Variants in PDPN observed in about 807,000 individuals in gnomAD.
PDPN encodes the protein podoplanin.
Under a neutral mutation model 23.2 loss-of-function variants are expected in PDPN, and 12 were observed. The ratio of observed to expected loss-of-function variants is 0.52; its 90% CI spans 0.33 to 0.84. PDPN has a LOEUF of 0.84. Among genes scored for constraint, PDPN ranks in the 40% least tolerant of loss-of-function variants. The pLI, the probability that PDPN is intolerant of heterozygous loss-of-function variation, is 0.02. For synonymous variants in PDPN, 77 were observed against 76.7 expected (o/e 1.00, Z -0.02); for missense variants, 199 against 212.2 (o/e 0.94, Z 0.39).
At chr1:13,603,070 G>GGA (rs931922850) in intron 1 of PDPN, among the ~76,000 whole-genome samples, 2 of 150,444 alleles carry the variant, frequency 1.3e-5, no homozygotes, top group Non-Finnish European at 1.5e-5. Flanking sequence ...TAAATACAAA[G>GGA]GAGAGAGAGA....
intron 1 of PDPN, among the ~76,000 whole-genome samples, chr1:13,589,820 T>C (rs1346743001): frequency 6.7e-6 from 1 of 149,908 alleles, no homozygotes; most frequent in Non-Finnish European, 1.5e-5. Context: ...ACCACTTGTA[T>C]TGATTGATTG....
intron 1 of PDPN, among the ~76,000 whole-genome samples, chr1:13,595,057 C>G (rs1442827043): frequency 6.6e-6 from 1 of 151,492 alleles, no homozygotes; most frequent in Non-Finnish European, 1.5e-5. Flanking sequence ...CCACAGTTTG[C>G]ACATTCTCCC....
chr1:13,593,635 G>A (rs966948061), intron 1 of PDPN, among the ~76,000 whole-genome samples: 1 of 152,174 alleles, frequency 6.6e-6, no homozygotes, highest in South Asian at 2.1e-4. Flanking sequence ...TCTGAGCTGC[G>A]TGGGGTGGAC....
intron 1 of PDPN, among the ~76,000 whole-genome samples, chr1:13,606,913 G>C (rs1640802868): frequency 6.6e-6 from 1 of 152,136 alleles, no homozygotes. Context: ...TGGGGCCCCA[G>C]GGAGGGGCTG....
intron 1 of PDPN, among the ~76,000 whole-genome samples, chr1:13,596,271 A>AAT (rs1364591126): frequency 6.6e-6 from 1 of 152,190 alleles, no homozygotes; most frequent in Non-Finnish European, 1.5e-5. Context: ...GCATCTGCTA[A>AAT]ATACCTACCA....
intron 4 of PDPN, 145 bp downstream of exon 4, chr1:13,613,870 C>CTTTTTTT (rs34784418): frequency 9.4e-6 from 2 of 211,826 alleles, no homozygotes; most frequent in African/African-American, 3.1e-5. Flanking sequence ...AGATTTCAAG[C>CTTTTTTT]TTTTTTTTTT....
intron 5 of PDPN, among the ~76,000 whole-genome samples, chr1:13,615,192 G>C (rs12083134): frequency 6.6e-6 from 1 of 152,130 alleles, no homozygotes; most frequent in African/African-American, 2.4e-5. Context: ...TTTGACTGTT[G>C]TTGAAGGGAA....
Position 13,599,011 on chromosome 1 carries a change from C to CTTTTTTTTTTTTTTTTTTTTT in PDPN, c.68-8145_68-8144insTTTTTTTTTTTTTTTTTTTTT. Reference sequence around the variant, plus strand: ...ACAGTCCAAGAAAGTGCCCCCCCTCCTTTTTTTTTTTTTTTTTGGAGATGG... The same window carrying CTTTTTTTTTTTTTTTTTTTTT: ...ACAGTCCAAGAAAGTGCCCCCCCTCCTTTTTTTTTTTTTTTTTTTTTTTTTTTTTTTTTTTTTTGGAGATGG... On this transcript the variant is annotated intron_variant, in intron 1 of 5. Coordinates refer to ENST00000621990, the MANE Select transcript of PDPN (RefSeq NM_006474.5). Among the ~76,000 whole-genome samples the CTTTTTTTTTTTTTTTTTTTTT allele has an allele frequency of 2.0e-3, 249 of 126,988 alleles. 8 individuals are homozygous for CTTTTTTTTTTTTTTTTTTTTT. Among genetic ancestry groups the CTTTTTTTTTTTTTTTTTTTTT allele is most frequent in the Middle Eastern group, 4.5e-3 (1 of 220 alleles). 83.3% of individuals were successfully genotyped at this position (126,988 alleles called of 152,430 possible).
chr1:13,589,627 A>G (rs140143303), intron 1 of PDPN, among the ~76,000 whole-genome samples: 3 of 152,254 alleles, frequency 2.0e-5, no homozygotes, highest in Non-Finnish European at 4.4e-5. Flanking sequence ...CCACACACAG[A>G]CACGGAGCTT....
chr1:13,596,533 G>A (rs751696345), intron 1 of PDPN, among the ~76,000 whole-genome samples: 3 of 152,212 alleles, frequency 2.0e-5, no homozygotes, highest in Non-Finnish European at 4.4e-5. Flanking sequence ...TGTCGATCAC[G>A]ACCAGTGGCT....
In PDPN at chr1:13,614,302, GGT is replaced by G; in HGVS notation, c.374_375del (p.Gly125ValfsTer41). 2 of 1,548,322 alleles carry G rather than the reference GGT, an allele frequency of 1.3e-6. No individual in the cohort carries two copies. ...GDTQTTVEKD[G>X]LSTVTLVGII... ...CTTTTTTTCTCTCTCTTGTTCAGAT[GGT>G]TTGTCAACAGTGACCCTGGTTGGAA... On this transcript the variant is annotated frameshift_variant, in exon 5 of 6. Coordinates refer to ENST00000621990, the MANE Select transcript of PDPN (RefSeq NM_006474.5). LOFTEE classifies it high-confidence loss of function.
intron 1 of PDPN, among the ~76,000 whole-genome samples, chr1:13,602,687 C>T (rs576860660): frequency 1.0e-3 from 154 of 152,174 alleles, no homozygotes; most frequent in African/African-American, 3.5e-3. Context: ...CTCAGCCTCC[C>T]CAGTAGCTGG....
At chr1:13,615,793 G>C (rs989129641) in intron 5 of PDPN, 112 bp from the exon 6 acceptor site, 2 of 955,478 alleles carry the variant, frequency 2.1e-6, no homozygotes, top group Non-Finnish European at 3.4e-6. Flanking sequence ...TGATCACCAG[G>C]TGTCAGAACT....
In PDPN at chr1:13,616,801, G is replaced by C. The variant is rs537201349; in HGVS notation, c.*890G>C. ...CAGCCTGGATGCCGAGGAAGCTGCTGGATGCTTAATGGTGCTAGAGGCTCA... is the reference window on the plus strand; with the variant it reads ...CAGCCTGGATGCCGAGGAAGCTGCTCGATGCTTAATGGTGCTAGAGGCTCA... On this transcript the variant is annotated 3_prime_UTR_variant, in exon 6 of 6. Coordinates refer to ENST00000621990, the MANE Select transcript of PDPN (RefSeq NM_006474.5). The C allele has an allele frequency of 6.6e-6, 1 of 152,382 alleles. No homozygotes were observed. The highest frequency in any genetic ancestry group is 1.9e-4 in the East Asian group (1 of 5,190). 9.4% of individuals were successfully genotyped at this position (152,382 alleles called of 1,614,324 possible). A position where few individuals can be genotyped will look rare whatever the true frequency, so the allele number is the denominator to read the frequency against.
chr1:13,583,778 C>A, upstream of PDPN: 1 of 1,512,376 alleles, frequency 6.6e-7, no homozygotes, highest in South Asian at 1.3e-5. Context: ...CGGCCGACCC[C>A]GCTCCCCCGC....
At chr1:13,606,841 A>G (rs939809001) in intron 1 of PDPN, among the ~76,000 whole-genome samples, 2 of 152,234 alleles carry the variant, frequency 1.3e-5, no homozygotes, top group Non-Finnish European at 2.9e-5. Context: ...AAATGACACC[A>G]GGAAGAATCT....
intron 3 of PDPN, among the ~76,000 whole-genome samples, chr1:13,611,267 C>CTT (rs201184467): frequency 6.7e-6 from 1 of 150,296 alleles, no homozygotes; most frequent in African/African-American, 2.4e-5. Context: ...CAAAAACAAG[C>CTT]TTTTTTTTTG....
In PDPN at chr1:13,584,100, G is replaced by A; in HGVS notation, c.67G>A (p.Ala23Thr). 6.2e-7 allele frequency: 1 copy of A among 1,612,984 alleles called. No homozygotes were observed. The highest frequency in any genetic ancestry group is 1.1e-5 in the South Asian group (1 of 91,072). ...SASLWVLAEG[A>T]STGQPEDDTE... ...GTCGCTCTGGGTCCTGGCAGAAGGA[G>A]GTAAGACCCAGCGCAAGTGGCTTCC... Residue 23 changes from alanine (A) to threonine (T), a missense_variant and splice_region_variant, in exon 1 of 6, where the codon GCC (alanine) becomes ACC (threonine). Transcript: ENST00000621990.
intron 1 of PDPN, among the ~76,000 whole-genome samples, chr1:13,587,602 C>A (rs1488457342): frequency 3.9e-5 from 6 of 152,178 alleles, no homozygotes; most frequent in African/African-American, 1.4e-4. Context: ...TGCCCCAAAA[C>A]TTCTCAGGGA....
Sources: gnomAD v4.1 joint callset for allele counts (sites outside exome capture counted in the v4.1 genomes callset) on GRCh38, gnomAD v4.1.1 for gene constraint, MANE v1.5 for transcripts, NCBI Gene and HGNC (gene_info 2026-07-23, HGNC 2026-07-21) for gene names.